OR9Q1: variants seen among roughly 807,000 people sequenced by gnomAD.
The protein encoded by OR9Q1 is olfactory receptor 9Q1.
For missense variants in OR9Q1, 374 were observed against 378.8 expected (o/e 0.99, Z 0.11); for synonymous variants, 153 against 148.6 (o/e 1.03, Z -0.22).
intron 2 of OR9Q1, among the ~76,000 whole-genome samples, chr11:58,086,274 C>T (rs185685798): frequency 6.6e-6 from 1 of 151,936 alleles, no homozygotes; most frequent in East Asian, 1.9e-4. Flanking sequence ...TTCATCATCG[C>T]TAATCATTAG....
intron 2 of OR9Q1, among the ~76,000 whole-genome samples, chr11:58,122,860 T>C (rs200551957): frequency 1.3e-5 from 2 of 152,170 alleles, no homozygotes; most frequent in Non-Finnish European, 2.9e-5. Flanking sequence ...ATAGTGGCTG[T>C]GGTGTGTTTT....
intron 2 of OR9Q1, among the ~76,000 whole-genome samples, chr11:58,060,347 A>G (rs1409564356): frequency 2.6e-5 from 4 of 152,256 alleles, no homozygotes; most frequent in Non-Finnish European, 5.9e-5. Context: ...ATAAAAATCA[A>G]GCCGGTTATT....
intron 2 of OR9Q1, among the ~76,000 whole-genome samples, chr11:58,164,094 C>T (rs374895749): frequency 1.1e-4 from 16 of 152,246 alleles, no homozygotes; most frequent in Admixed American, 2.6e-4. Flanking sequence ...TAGAGTCTTA[C>T]GCTGGAGCCG....
intron 2 of OR9Q1, among the ~76,000 whole-genome samples, chr11:58,166,497 A>G (rs17152450): frequency 0.05 from 7,413 of 147,012 alleles, 606 homozygotes; most frequent in African/African-American, 0.18. Context: ...AATTGCAAGT[A>G]TCTCTTCTTA....
At chr11:58,106,397 C>T (rs557093034) in intron 2 of OR9Q1, among the ~76,000 whole-genome samples, 3 of 152,098 alleles carry the variant, frequency 2.0e-5, no homozygotes, top group South Asian at 4.1e-4. Flanking sequence ...TAGCAATTAA[C>T]TTCTTATTAA....
At chr11:58,053,672 A>AT (rs1431740031) in intron 1 of OR9Q1, among the ~76,000 whole-genome samples, 1 of 146,488 alleles carries the variant, frequency 6.8e-6, no homozygotes, top group Non-Finnish European at 1.5e-5. Context: ...ATATATATAT[A>AT]AAATAAAAAT....
chr11:58,103,233 G>A lies in OR9Q1; in HGVS notation c.-15+47286G>A, dbSNP rs1384955802. Among the ~76,000 whole-genome samples the A allele has an allele frequency of 3.3e-5, 5 of 152,162 alleles. No individual in the cohort carries two copies. In the East Asian group the frequency reaches 9.7e-4, roughly 29 times the overall value. On this transcript the variant is annotated intron_variant, in intron 2 of 2. Transcript: ENST00000335397. The stretch of plus-strand genomic sequence containing the variant: ...GCAAGGAGAAGTGCAGAGTGAAGAG[G>A]AGGAAGCCCCTTATAAAACTATCTG...
chr11:58,054,550 C>T (rs1853308334), intron 1 of OR9Q1, among the ~76,000 whole-genome samples: 1 of 152,162 alleles, frequency 6.6e-6, no homozygotes, highest in Admixed American at 6.5e-5. Context: ...TTCTGTATCC[C>T]TCATTACTCC....
At chr11:58,139,745 C>T (rs1394919306) in intron 2 of OR9Q1, among the ~76,000 whole-genome samples, 4 of 152,014 alleles carry the variant, frequency 2.6e-5, no homozygotes, top group Admixed American at 6.6e-5. Context: ...AATAAACATA[C>T]GTGTGCATGT....
intron 2 of OR9Q1, among the ~76,000 whole-genome samples, chr11:58,088,186 G>A (rs867427765): frequency 6.6e-6 from 1 of 151,900 alleles, no homozygotes; most frequent in African/African-American, 2.4e-5. Context: ...ATTCCATGGG[G>A]TATATGTGCC....
chr11:58,121,916 G>T (rs1163459800), intron 2 of OR9Q1, among the ~76,000 whole-genome samples: 2 of 152,004 alleles, frequency 1.3e-5, no homozygotes, highest in Non-Finnish European at 2.9e-5. Context: ...CATTATTTTG[G>T]CATTGAGACA....
chr11:58,139,283 G>GTTT (rs11350123), intron 2 of OR9Q1, among the ~76,000 whole-genome samples: 2 of 147,836 alleles, frequency 1.4e-5, no homozygotes, highest in Non-Finnish European at 1.5e-5. Context: ...ATGTGCAGCT[G>GTTT]TTTTTTTTTT....
intron 2 of OR9Q1, among the ~76,000 whole-genome samples, chr11:58,129,360 C>T (rs1010186522): frequency 6.6e-6 from 1 of 152,076 alleles, no homozygotes; most frequent in African/African-American, 2.4e-5. Flanking sequence ...CCTGCTTTTA[C>T]TCTTGCCTCT....
At chr11:58,039,509 C>A (rs530667641) in intron 1 of OR9Q1, among the ~76,000 whole-genome samples, 90 of 152,202 alleles carry the variant, frequency 5.9e-4, no homozygotes, top group African/African-American at 2.2e-3. Context: ...AACCCAGGAG[C>A]ACTTTCATTT....
At chr11:58,041,164 C>T (rs12421556) in intron 1 of OR9Q1, 19,602 of 152,616 alleles carry the variant, frequency 0.13, 1,609 homozygotes, top group Non-Finnish European at 0.2. Flanking sequence ...TGTAGAGTTT[C>T]ACAGGCTGAG....
chr11:58,084,062 T>C (rs1455912133), intron 2 of OR9Q1, among the ~76,000 whole-genome samples: 1 of 151,984 alleles, frequency 6.6e-6, no homozygotes, highest in Admixed American at 6.6e-5. Context: ...ATGGCCACTT[T>C]AATGATATCG....
chr11:58,145,232 C>CT (rs1298075042), intron 2 of OR9Q1: 1 of 152,272 alleles, frequency 6.6e-6, no homozygotes, highest in Admixed American at 6.5e-5. Context: ...TGACTCTCTT[C>CT]TTTGGAACAC....
chr11:58,096,716 T>G (rs1853735946), intron 2 of OR9Q1, among the ~76,000 whole-genome samples: 1 of 150,636 alleles, frequency 6.6e-6, no homozygotes, highest in Admixed American at 6.6e-5. Context: ...TTTTTTTTTT[T>G]TTTTTGAGGT....
At chr11:58,057,172 T>C (rs1023702448) in intron 2 of OR9Q1, among the ~76,000 whole-genome samples, 6 of 152,022 alleles carry the variant, frequency 3.9e-5, no homozygotes, top group Admixed American at 3.3e-4. Flanking sequence ...TTTGTATTTT[T>C]AGTAGAGACA....
Sources: gnomAD v4.1 joint callset for allele counts (sites outside exome capture counted in the v4.1 genomes callset) on GRCh38, gnomAD v4.1.1 for gene constraint, MANE v1.5 for transcripts, NCBI Gene and HGNC (gene_info 2026-07-23, HGNC 2026-07-21) for gene names.